GTPBP3: variants seen among roughly 807,000 people sequenced by gnomAD.
GTPBP3 encodes GTP binding protein 3, mitochondrial.
A neutral mutation model predicts 42.0 loss-of-function variants in GTPBP3; 35 were observed. The observed-to-expected ratio is 0.83, with a 90% CI of 0.64 to 1.10. The LOEUF is 1.10. Among genes scored for constraint, GTPBP3 ranks in the 50% least tolerant of loss-of-function variants. GTPBP3 has a pLI of 0.00. For synonymous variants in GTPBP3, 332 were observed against 314.9 expected, an observed-to-expected ratio of 1.05 and a Z score of -0.58; for missense variants, 691 against 685.2, an observed-to-expected ratio of 1.01 and a Z score of -0.09.
In GTPBP3 at chr19:17,341,284, C is replaced by T. The variant is rs1227401483; in HGVS notation, c.1215C>T (p.Asp405=). The T allele has an allele frequency of 1.1e-5, 17 of 1,604,836 alleles. No homozygotes were observed. The highest frequency in any genetic ancestry group is 1.4e-5 in the Non-Finnish European group (16 of 1,179,618). The change falls in exon 8 of 9, where the codon GAC becomes GAT. Residue 405 remains aspartate (D), a synonymous_variant. Coordinates refer to ENST00000324894, the MANE Select transcript of GTPBP3 (RefSeq NM_032620.4). The part of the protein sequence containing the change: ...LLSCLTGEGL[D]GLLEALRKEL... ...CCTGTCTGACGGGAGAGGGGCTGGA[C>T]GGCCTCCTGGAGGCGCTGAGGAAGG... is the stretch of plus-strand genomic sequence containing the variant.
rs776146119 is a variant in GTPBP3 at position 17,341,351 on chromosome 19, CT to C, written c.1253+30del. On this transcript the variant is annotated intron_variant, in intron 8 of 8. Transcript: ENST00000324894. ...AGCCCCCTCCCACTCCCAGCCTCCC[CT>C]GACCCACAGTTTAAGTGTGGGTCCC... is the stretch of plus-strand genomic sequence containing the variant. 2.5e-6 allele frequency: 4 copies of C among 1,569,098 alleles called. No individual in the cohort carries two copies. In the African/African-American group the frequency reaches 4.1e-5, roughly 16 times the overall value.
At chr19:17,339,409 T>A (rs372014851) in intron 6 of GTPBP3, 25 bp from the exon 7 acceptor site, 2,182 of 1,611,154 alleles carry the variant, frequency 1.4e-3, no homozygotes, top group Non-Finnish European at 1.8e-3. Flanking sequence ...CTCCACCCTC[T>A]CCTCTTCTTC....
chr19:17,340,911 C>G, intron 7 of GTPBP3, 133 bp from the exon 8 acceptor site: 1 of 961,410 alleles, frequency 1.0e-6, no homozygotes, highest in South Asian at 1.6e-5. Context: ...TCCCCTGGTA[C>G]TCTACTCCTC....
rs1190180782 is a variant in GTPBP3, at chr19:17,341,186, C to T, written c.1117C>T (p.Leu373=). 1.9e-6 allele frequency: 3 copies of T among 1,611,954 alleles called. No homozygotes were observed. Among genetic ancestry groups the T allele is most frequent in the Non-Finnish European group, 1.7e-6 (2 of 1,180,016 alleles). ...CAGCAGCCAGCGCCTCCTCCTGGTG[C>T]TGAACAAGTCGGACCTGCTGTCCCC... The part of the protein sequence containing the change: ...SDSSQRLLLV[L]NKSDLLSPEG... Residue 373 remains leucine (L), a synonymous_variant, in exon 8 of 9, where the codon CTG becomes TTG. Transcript: ENST00000324894.
rs377281012 is a variant in GTPBP3 at position 17,338,639 on chromosome 19, C to A, written c.489C>A (p.Asp163Glu). 2 of 1,613,984 alleles carry A rather than the reference C, an allele frequency of 1.2e-6. No individual in the cohort carries two copies. The highest frequency in any genetic ancestry group is 1.7e-6 in the Non-Finnish European group (2 of 1,179,978). Residue 163 changes from aspartate (D) to glutamate (E), a missense_variant, in exon 4 of 9, where the codon GAC becomes GAA. Coordinates refer to ENST00000324894, the MANE Select transcript of GTPBP3 (RefSeq NM_032620.4). ...TGACCGAAGTGGAGGGGCTGGCGGA[C>A]CTTATCCACGCGGAAACAGAGGCGC... ...LNLTEVEGLA[D>E]LIHAETEAQR...
chr19:17,336,268 G>A (rs1039597669), upstream of GTPBP3, among the ~76,000 whole-genome samples: 2 of 136,944 alleles, frequency 1.5e-5, no homozygotes, highest in Admixed American at 1.5e-4. Flanking sequence ...AAAAGCTTGG[G>A]CAACGTAGTG....
rs761075836 is a variant in GTPBP3, at chr19:17,341,316, C to G, written c.1247C>G (p.Ala416Gly). The G allele has an allele frequency of 2.5e-6, 4 of 1,598,346 alleles. No individual in the cohort carries two copies. In the South Asian group the frequency reaches 4.4e-5, roughly 18 times the overall value. The change falls in exon 8 of 9, where the codon GCT (alanine) becomes GGT (glycine). Residue 416 changes from alanine to glycine, a missense_variant. Physicochemically the swap from Ala to Gly is moderately conservative, Grantham distance 60 (BLOSUM62 0). Transcript: ENST00000324894. ...CTGGAGGCGCTGAGGAAGGAGCTAG[C>G]TGCAGTGTGAGCCCCCTCCCACTCC... is the stretch of plus-strand genomic sequence containing the variant. Reference protein sequence around the residue: ...GLLEALRKELAAVCGDPSTDP... With the variant: ...GLLEALRKELGAVCGDPSTDP...
chr19:17,338,157 C>T lies in GTPBP3; in HGVS notation c.203C>T (p.Pro68Leu), dbSNP rs780592147. Residue 68 changes from proline to leucine, a missense_variant, in exon 2 of 9, where the codon CCC becomes CTC. By Grantham distance (98) the Pro-to-Leu change is moderately conservative. Transcript: ENST00000324894. ...SGHALRILTA[P>L]RDLPLARHAS... ...CACGCCCTCCGAATTCTCACAGCACCCCGAGACCTGCCCCTTGCTCGCCAC... is the reference window on the plus strand; with the variant it reads ...CACGCCCTCCGAATTCTCACAGCACTCCGAGACCTGCCCCTTGCTCGCCAC... 3 of 1,594,624 alleles carry T rather than the reference C, an allele frequency of 1.9e-6. No homozygotes were observed. Among genetic ancestry groups the T allele is most frequent in the Non-Finnish European group, 2.5e-6 (3 of 1,177,354 alleles).
At chr19:17,341,374 T>C in intron 8 of GTPBP3, 52 bp downstream of exon 8, 1 of 1,552,904 alleles carries the variant, frequency 6.4e-7, no homozygotes, top group Non-Finnish European at 8.7e-7. Context: ...TAAGTGTGGG[T>C]CCCTCAACTT....
At chr19:17,337,895 C>T (rs974938665) in intron 1 of GTPBP3, 113 bp from the exon 2 acceptor site, 1 of 1,405,048 alleles carries the variant, frequency 7.1e-7, no homozygotes, top group Non-Finnish European at 9.6e-7. Flanking sequence ...TGTGCATCCC[C>T]CAGCCGCAGA....
chr19:17,341,865 C>T lies in GTPBP3; in HGVS notation c.*162C>T. 1.7e-6 allele frequency: 1 copy of T among 589,476 alleles called. No homozygotes were observed. Among genetic ancestry groups the T allele is most frequent in the Non-Finnish European group, 2.8e-6 (1 of 356,658 alleles). The allele number at this position is 589,476 out of a possible 1,614,324, so 36.5% of individuals were successfully genotyped here. A position where few individuals can be genotyped will look rare whatever the true frequency, so the allele number is the denominator to read the frequency against. ...AGAGGTAGTGAGATCCCTGCAGGGA[C>T]TCCCTGGAGATTCAGGCCCTGGAAT... On this transcript the variant is annotated 3_prime_UTR_variant, in exon 9 of 9. Coordinates refer to ENST00000324894, the MANE Select transcript of GTPBP3 (RefSeq NM_032620.4).
upstream of GTPBP3, among the ~76,000 whole-genome samples, chr19:17,335,743 G>A (rs1421271557): frequency 6.6e-6 from 1 of 151,800 alleles, no homozygotes; most frequent in Non-Finnish European, 1.5e-5. Flanking sequence ...TAGACTGAAA[G>A]CCCAGCGAGG....
Position 17,337,569 on chromosome 19 carries a change from C to T in GTPBP3, c.-43C>T. On this transcript the variant is annotated 5_prime_UTR_variant, in exon 1 of 9. Transcript: ENST00000324894. Reference sequence around the variant, plus strand: ...CGGGGCCCCCTGCCCAGACTTGAAGCCACACAGGCAGGTCGGGCAGGCGGG... The same window carrying T: ...CGGGGCCCCCTGCCCAGACTTGAAGTCACACAGGCAGGTCGGGCAGGCGGG... The T allele has an allele frequency of 1.5e-6, 2 of 1,313,332 alleles. No individual in the cohort carries two copies. Among genetic ancestry groups the T allele is most frequent in the Non-Finnish European group, 2.0e-6 (2 of 1,025,322 alleles). The allele number at this position is 1,313,332 out of a possible 1,614,324, so 81.4% of individuals were successfully genotyped here.
chr19:17,338,539 G>T lies in GTPBP3; in HGVS notation c.389G>T (p.Gly130Val). ...AVVSGVLQAL[G>V]SVPGLRPAEA... Reference sequence around the variant, plus strand: ...GTGTCAGACTGGGACCTTCCTGCAGGCAGCGTGCCAGGGCTTCGACCGGCG... The same window carrying T: ...GTGTCAGACTGGGACCTTCCTGCAGTCAGCGTGCCAGGGCTTCGACCGGCG... Residue 130 changes from glycine (G) to valine (V), a missense_variant and splice_region_variant, in exon 4 of 9, where the codon GGC becomes GTC. By Grantham distance (109) the Gly-to-Val change is moderately radical. Transcript: ENST00000324894. 1 of 1,613,424 alleles carries T rather than the reference G, an allele frequency of 6.2e-7. No homozygotes were observed. The highest frequency in any genetic ancestry group is 8.5e-7 in the Non-Finnish European group (1 of 1,179,530).
chr19:17,339,091 GTC>G (rs1381140755), intron 5 of GTPBP3, 30 bp from the exon 6 acceptor site: 6 of 1,614,006 alleles, frequency 3.7e-6, no homozygotes, highest in Middle Eastern at 1.6e-4. Context: ...TCCCCTCACT[GTC>G]TCTCTCTGCC....
At position 17,342,123 on chromosome 19, in the gene GTPBP3, C is replaced by T. The variant is rs542889214; in HGVS notation, c.*420C>T. 1.3e-5 allele frequency: 2 copies of T among 155,150 alleles called. No homozygotes were observed. The highest frequency in any genetic ancestry group is 2.8e-5 in the Non-Finnish European group (2 of 70,758). 9.6% of individuals were successfully genotyped at this position (155,150 alleles called of 1,614,324 possible). ...CCCCTTCCCCTTCCCCTTCCCCTAC[C>T]CTTCCCTCCTCTGTCTATTGCCCAG... is the stretch of plus-strand genomic sequence containing the variant. On this transcript the variant is annotated 3_prime_UTR_variant, in exon 9 of 9. Coordinates refer to ENST00000324894, the MANE Select transcript of GTPBP3 (RefSeq NM_032620.4).
Position 17,338,087 on chromosome 19 carries a change from C to A in GTPBP3, c.133C>A (p.Arg45Ser). 6.3e-7 allele frequency: 1 copy of A among 1,597,602 alleles called. No homozygotes were observed. The highest frequency in any genetic ancestry group is 8.5e-7 in the Non-Finnish European group (1 of 1,179,274). The change falls in exon 2 of 9, where the codon CGC (arginine) becomes AGC (serine). Residue 45 changes from arginine (R) to serine (S), a missense_variant. Transcript: ENST00000324894. ...CTTCGCGCTAAGCTCTGGCCAAGGCCGCTGCGGCATCGCAGTGATCCGGAC... is the reference window on the plus strand; with the variant it reads ...CTTCGCGCTAAGCTCTGGCCAAGGCAGCTGCGGCATCGCAGTGATCCGGAC... ...TIFALSSGQG[R>S]CGIAVIRTSG...
chr19:17,339,742 T>A, intron 7 of GTPBP3, 143 bp downstream of exon 7: 15 of 372,674 alleles, frequency 4.0e-5, no homozygotes, highest in Non-Finnish European at 6.2e-5. Context: ...TTGGTTCTTT[T>A]TTTTTTTTTT....
intron 7 of GTPBP3, among the ~76,000 whole-genome samples, chr19:17,340,241 T>G (rs928841482): frequency 2.0e-5 from 3 of 151,914 alleles, no homozygotes; most frequent in Admixed American, 2.0e-4. Flanking sequence ...TTCACCATGT[T>G]GGCCAGGCTG....
Sources: allele counts gnomAD v4.1 joint callset (sites outside exome capture counted in the v4.1 genomes callset), GRCh38; gene constraint gnomAD v4.1.1; transcripts MANE v1.5; gene names NCBI Gene and HGNC (gene_info 2026-07-23, HGNC 2026-07-21).